Variants in FGF8 observed in about 807,000 individuals in gnomAD.
FGF8 encodes the protein fibroblast growth factor 8.
FGF8 carries 12 observed loss-of-function variants against 29.7 expected under a neutral mutation model. That is an observed-to-expected ratio of 0.40 (90% confidence interval 0.26 to 0.65). FGF8 has a LOEUF of 0.65. FGF8 is among the 30% of genes least tolerant of loss of function. The pLI is 0.37. For synonymous variants in FGF8, 157 were observed against 144.4 expected, an observed-to-expected ratio of 1.09 and a Z score of -0.63; for missense variants, 271 against 345.1, an observed-to-expected ratio of 0.79 and a Z score of 1.70.
chr10:101,774,311 T>C (rs977635065), intron 4 of FGF8, among the ~76,000 whole-genome samples: 1 of 152,128 alleles, frequency 6.6e-6, no homozygotes, highest in Non-Finnish European at 1.5e-5. Context: ...TATTTAAGGG[T>C]TCCCAGCAAC....
Position 101,775,887 on chromosome 10 carries a change from C to T in FGF8, c.14G>A (p.Arg5His), listed in dbSNP as rs1170351413. 2 of 1,351,636 alleles carry T rather than the reference C, an allele frequency of 1.5e-6. No individual in the cohort carries two copies. The highest frequency in any genetic ancestry group is 1.9e-6 in the Non-Finnish European group (2 of 1,056,748). 83.7% of individuals were successfully genotyped at this position (1,351,636 alleles called of 1,614,324 possible). MGSP[R>H]SALSCLLLHL... ...TACTCACAGGCAGCTCAGCGCGGAG[C>T]GGGGGCTGCCCATGGCGCGCGGCCC... The change falls in exon 1 of 6, where the codon CGC (arginine) becomes CAC (histidine). Residue 5 changes from arginine to histidine, a missense_variant. Around this residue, in one of 3 missense-constraint regions of FGF8, gnomAD observed 168 missense variants for 207.0 expected, o/e 0.81. Transcript: ENST00000320185. This position sits in a 1 kb window ranked among gnomAD's most constrained non-coding sequence, Gnocchi z 4.6.
In FGF8 at chr10:101,775,103, C is replaced by T. The variant is rs1178702631; in HGVS notation, c.156+27G>A. Reference sequence around the variant, plus strand: ...TCGGGCAGACCCAGCCCAGGATGAACGAGCCCCAGGGAGAAGCTGGACCCA... The same window carrying T: ...TCGGGCAGACCCAGCCCAGGATGAATGAGCCCCAGGGAGAAGCTGGACCCA... On this transcript the variant is annotated intron_variant, in intron 3 of 5. Transcript: ENST00000320185. This position sits in a 1 kb window ranked among gnomAD's most constrained non-coding sequence, Gnocchi z 4.6. The T allele has an allele frequency of 6.5e-7, 1 of 1,541,378 alleles. No homozygotes were observed. The highest frequency in any genetic ancestry group is 8.8e-7 in the Non-Finnish European group (1 of 1,140,480).
At chr10:101,776,934 AAGAG>A (rs2065103347), upstream of FGF8, among the ~76,000 whole-genome samples, 1 of 150,530 alleles carries the variant, frequency 6.6e-6, no homozygotes, top group South Asian at 2.1e-4. Context: ...ACCTGTGTGG[AAGAG>A]AGAGTCCGGA....
upstream of FGF8, among the ~76,000 whole-genome samples, chr10:101,778,399 A>T (rs1266412075): frequency 2.0e-5 from 3 of 152,220 alleles, no homozygotes; most frequent in African/African-American, 7.2e-5. Context: ...GGGTAGGGGC[A>T]GAGCCCCTGG....
At chr10:101,776,330 G>C, upstream of FGF8, among the ~76,000 whole-genome samples, 1 of 149,010 alleles carries the variant, frequency 6.7e-6, no homozygotes, top group African/African-American at 2.5e-5. Context: ...CGACGGGTTC[G>C]GGATTGAGGG....
upstream of FGF8, among the ~76,000 whole-genome samples, chr10:101,779,282 A>T (rs1370496802): frequency 6.6e-6 from 1 of 152,148 alleles, no homozygotes; most frequent in Non-Finnish European, 1.5e-5. This position sits in a 1 kb window ranked among gnomAD's most constrained non-coding sequence, Gnocchi z 5.7. Context: ...CGCCGAGACT[A>T]CGTTAAGCAC....
At chr10:101,774,684 G>T (rs2065065567) in intron 4 of FGF8, 48 bp downstream of exon 4, 2 of 1,538,252 alleles carry the variant, frequency 1.3e-6, no homozygotes, top group South Asian at 2.2e-5. Flanking sequence ...GTTGGGACTG[G>T]TGGTCCAGGC....
At chr10:101,773,816 C>T (rs1445688774) in intron 4 of FGF8, among the ~76,000 whole-genome samples, 1 of 152,190 alleles carries the variant, frequency 6.6e-6, no homozygotes, top group Non-Finnish European at 1.5e-5. Flanking sequence ...AATCTTGAAC[C>T]TCTTTTTTAA....
In FGF8 at chr10:101,770,272, T is replaced by C; in HGVS notation, c.*57A>G. On this transcript the variant is annotated 3_prime_UTR_variant, in exon 6 of 6. Coordinates refer to ENST00000320185, the MANE Select transcript of FGF8 (RefSeq NM_033163.5). ...CAGCTCATCTTGCTTGAGTTTTGGGTGCCCTACAGGATGAGCCTCTCTGCG... is the reference window on the plus strand; with the variant it reads ...CAGCTCATCTTGCTTGAGTTTTGGGCGCCCTACAGGATGAGCCTCTCTGCG... 1 of 1,490,052 alleles carries C rather than the reference T, an allele frequency of 6.7e-7. No individual in the cohort carries two copies. The highest frequency in any genetic ancestry group is 9.0e-7 in the Non-Finnish European group (1 of 1,107,116). The allele number at this position is 1,490,052 out of a possible 1,614,324, so 92.3% of individuals were successfully genotyped here.
Position 101,776,073 on chromosome 10 carries a change from C to G in FGF8, c.-173G>C. ...GAACGTCGTGCTCGCCGCGCCGCAC[C>G]GAATCGCTGTGCGCCGCTGCCGGAG... is the stretch of plus-strand genomic sequence containing the variant. On this transcript the variant is annotated 5_prime_UTR_variant, in exon 1 of 6. Coordinates refer to ENST00000320185, the MANE Select transcript of FGF8 (RefSeq NM_033163.5). 1 of 239,396 alleles carries G rather than the reference C, an allele frequency of 4.2e-6. No individual in the cohort carries two copies. The highest frequency in any genetic ancestry group is 7.3e-6 in the Non-Finnish European group (1 of 137,388). The allele number at this position is 239,396 out of a possible 1,614,324, so 14.8% of individuals were successfully genotyped here.
chr10:101,778,821 G>A (rs2065117291), upstream of FGF8, among the ~76,000 whole-genome samples: 1 of 152,148 alleles, frequency 6.6e-6, no homozygotes, highest in Admixed American at 6.5e-5. Context: ...TGGCTCGCCC[G>A]CCTCCCGGCC....
chr10:101,779,836 G>A (rs2065129130), upstream of FGF8, among the ~76,000 whole-genome samples: 1 of 152,194 alleles, frequency 6.6e-6, no homozygotes, highest in African/African-American at 2.4e-5. This position sits in a 1 kb window ranked among gnomAD's most constrained non-coding sequence, Gnocchi z 5.7. Context: ...AGGAGTGAGG[G>A]CCACAGCCAG....
intron 5 of FGF8, 40 bp from the exon 6 acceptor site, chr10:101,770,659 C>T (rs764328379): frequency 1.2e-6 from 2 of 1,600,526 alleles, no homozygotes; most frequent in Middle Eastern, 1.6e-4. Context: ...ACAGAGCCCC[C>T]CCAGCAGAGG....
rs1473226986 is a variant in FGF8, at chr10:101,771,561, T to C, written c.346A>G (p.Ile116Val). The C allele has an allele frequency of 1.9e-6, 3 of 1,614,030 alleles. No homozygotes were observed. Among genetic ancestry groups the C allele is most frequent in the South Asian group, 1.1e-5 (1 of 91,080 alleles). The change falls in exon 5 of 6, where the codon ATC (isoleucine) becomes GTC (valine). Residue 116 changes from isoleucine (I) to valine (V), a missense_variant. Coordinates refer to ENST00000320185, the MANE Select transcript of FGF8 (RefSeq NM_033163.5). This position sits in a 1 kb window ranked among gnomAD's most constrained non-coding sequence, Gnocchi z 5.3. ...CTTCCAAAGGTGTCCGTCTCCACGATGAGCTTTGCTGTCAGAGAAGGTAGC... is the reference window on the plus strand; with the variant it reads ...CTTCCAAAGGTGTCCGTCTCCACGACGAGCTTTGCTGTCAGAGAAGGTAGC... ...AEDGDPFAKL[I>V]VETDTFGSRV...
chr10:101,779,359 C>T (rs961308094), upstream of FGF8, among the ~76,000 whole-genome samples: 1 of 152,240 alleles, frequency 6.6e-6, no homozygotes, highest in Non-Finnish European at 1.5e-5. This position sits in a 1 kb window ranked among gnomAD's most constrained non-coding sequence, Gnocchi z 5.7. Context: ...CTCCAGCAGT[C>T]GGCAAACCCC....
intron 4 of FGF8, among the ~76,000 whole-genome samples, chr10:101,773,935 C>T (rs1425587910): frequency 6.6e-6 from 1 of 152,186 alleles, no homozygotes; most frequent in Admixed American, 6.5e-5. Flanking sequence ...AAATGCCTCA[C>T]CTTTTTATTA....
chr10:101,775,718 G>T lies in FGF8; in HGVS notation c.69+22C>A. The T allele has an allele frequency of 6.5e-7, 1 of 1,541,522 alleles. No homozygotes were observed. On this transcript the variant is annotated intron_variant, in intron 2 of 5. Coordinates refer to ENST00000320185, the MANE Select transcript of FGF8 (RefSeq NM_033163.5). This position sits in a 1 kb window ranked among gnomAD's most constrained non-coding sequence, Gnocchi z 4.6. ...TCTCACACCGGCGCGCCCGGCCCCC[G>T]CCTCCGCGCACCCCTCCTCACCTGG...
At chr10:101,778,091 G>C (rs1452599581), upstream of FGF8, among the ~76,000 whole-genome samples, 1 of 152,218 alleles carries the variant, frequency 6.6e-6, no homozygotes, top group Non-Finnish European at 1.5e-5. Context: ...CTTCAAGTGG[G>C]CAAAGGTTAT....
In FGF8 at chr10:101,771,340, G is replaced by A; in HGVS notation, c.444+123C>T. The A allele has an allele frequency of 1.3e-6, 1 of 747,864 alleles. No individual in the cohort carries two copies. Among genetic ancestry groups the A allele is most frequent in the Non-Finnish European group, 2.4e-6 (1 of 415,010 alleles). The allele number at this position is 747,864 out of a possible 1,614,324, so 46.3% of individuals were successfully genotyped here. ...GCACCCAATCGTGAGGTAACCCCAA[G>A]ATGGCCCTGTGGCCTTCTGCCTACC... is the stretch of plus-strand genomic sequence containing the variant. On this transcript the variant is annotated intron_variant, in intron 5 of 5. Coordinates refer to ENST00000320185, the MANE Select transcript of FGF8 (RefSeq NM_033163.5). This position sits in a 1 kb window ranked among gnomAD's most constrained non-coding sequence, Gnocchi z 5.3.
Sources: gnomAD v4.1 joint callset for allele counts (sites outside exome capture counted in the v4.1 genomes callset) on GRCh38, gnomAD v4.1.1 for gene constraint, gnomAD v4.1.1 regional missense constraint, Gnocchi (gnomAD v3.1) non-coding constraint, MANE v1.5 for transcripts, NCBI Gene and HGNC (gene_info 2026-07-23, HGNC 2026-07-21) for gene names.